EXOC6B: variants seen among roughly 807,000 people sequenced by gnomAD.
The protein encoded by EXOC6B is exocyst complex component 6B.
EXOC6B carries 54 observed loss-of-function variants against 113.5 expected under a neutral mutation model. That is an observed-to-expected ratio of 0.48 (90% CI 0.38 to 0.60). EXOC6B has a LOEUF of 0.60. EXOC6B is among the 20% of genes least tolerant of loss of function. EXOC6B has a pLI of 0.00. For missense variants in EXOC6B, 797 were observed against 977.5 expected (o/e 0.82, Z 2.46); for synonymous variants, 357 against 339.0 (o/e 1.05, Z -0.58).
At chr2:72,524,713 A>T (rs890469089) in intron 8 of EXOC6B, among the ~76,000 whole-genome samples, 2 of 152,294 alleles carry the variant, frequency 1.3e-5, no homozygotes, top group Non-Finnish European at 1.5e-5. Context: ...ATACCAAAAC[A>T]TCTCATGTAC....
At chr2:72,395,635 A>C (rs1692679084) in intron 18 of EXOC6B, among the ~76,000 whole-genome samples, 3 of 152,146 alleles carry the variant, frequency 2.0e-5, no homozygotes, top group Admixed American at 2.0e-4. Context: ...ATGGTAGTAA[A>C]AACAAGATAG....
chr2:72,695,484 T>C (rs1023744038), intron 6 of EXOC6B, among the ~76,000 whole-genome samples: 1 of 152,220 alleles, frequency 6.6e-6, no homozygotes. Flanking sequence ...TAAGGTTTTT[T>C]TTTGAACAGA....
chr2:72,577,157 T>C (rs1054955592), intron 6 of EXOC6B, among the ~76,000 whole-genome samples: 5 of 152,106 alleles, frequency 3.3e-5, no homozygotes, highest in African/African-American at 9.7e-5. Context: ...CAGCCATTGA[T>C]ATTTTGGTTA....
At chr2:72,222,094 G>C (rs538424829) in intron 20 of EXOC6B, among the ~76,000 whole-genome samples, 1 of 152,314 alleles carries the variant, frequency 6.6e-6, no homozygotes, top group African/African-American at 2.4e-5. Flanking sequence ...GCTTCATGGA[G>C]AATTCACTAA....
At chr2:72,584,016 C>A (rs190015163) in intron 6 of EXOC6B, among the ~76,000 whole-genome samples, 4 of 152,208 alleles carry the variant, frequency 2.6e-5, no homozygotes, top group Non-Finnish European at 1.5e-5. Context: ...ACCATCCGCA[C>A]CCGGCCCCTT....
chr2:72,514,206 T>C (rs1182735020), intron 10 of EXOC6B, among the ~76,000 whole-genome samples: 1 of 152,130 alleles, frequency 6.6e-6, no homozygotes, highest in Non-Finnish European at 1.5e-5. Context: ...TTTTGCACTA[T>C]AACAACAGAG....
chr2:72,496,503 T>C lies in EXOC6B; in HGVS notation c.1394A>G (p.Tyr465Cys). The C allele has an allele frequency of 6.2e-7, 1 of 1,602,438 alleles. No homozygotes were observed. The highest frequency in any genetic ancestry group is 8.5e-7 in the Non-Finnish European group (1 of 1,172,974). ...SPIPVTSEEM[Y>C]KKVVGQFPFQ... ...TGGGAATTGTCCTACCACCTTTTTG[T>C]ACATCTCTTCACTTGTTACTGGTAT... Residue 465 changes from tyrosine to cysteine, a missense_variant, in exon 14 of 22, where the codon TAC becomes TGC. Physicochemically the swap from Tyr to Cys is radical, Grantham distance 194. Transcript: ENST00000272427.
At chr2:72,192,401 G>A (rs1371182314) in intron 20 of EXOC6B, among the ~76,000 whole-genome samples, 1 of 152,152 alleles carries the variant, frequency 6.6e-6, no homozygotes, top group African/African-American at 2.4e-5. Flanking sequence ...GTTGTATAAG[G>A]AAGAAGGAAG....
In EXOC6B at chr2:72,241,620, C is replaced by T. The variant is rs371616016; in HGVS notation, c.2197-57433G>A. On this transcript the variant is annotated intron_variant, in intron 20 of 21. Coordinates refer to ENST00000272427, the MANE Select transcript of EXOC6B (RefSeq NM_015189.3). The stretch of plus-strand genomic sequence containing the variant: ...CTTAAAAGAAGTTGGGGAGGGGGAG[C>T]GTCAGGGGAGAATCTTACCTATATA... Among the ~76,000 whole-genome samples the T allele has an allele frequency of 3.3e-3, 495 of 151,932 alleles. 2 individuals carry two copies. Among genetic ancestry groups the T allele is most frequent in the African/African-American group, 0.011 (469 of 41,410 alleles).
intron 5 of EXOC6B, among the ~76,000 whole-genome samples, chr2:72,727,028 A>G (rs1176399811): frequency 6.6e-6 from 1 of 152,182 alleles, no homozygotes; most frequent in Non-Finnish European, 1.5e-5. Flanking sequence ...GCCATTTTAT[A>G]TAAGGGACTT....
At chr2:72,664,424 G>A (rs2104461145) in intron 6 of EXOC6B, among the ~76,000 whole-genome samples, 1 of 152,236 alleles carries the variant, frequency 6.6e-6, no homozygotes, top group Middle Eastern at 3.4e-3. Flanking sequence ...CATTGAGGGT[G>A]GGATGGCCCA....
At position 72,826,030 on chromosome 2, in the gene EXOC6B, C is replaced by T; in HGVS notation, c.-120G>A. On this transcript the variant is annotated 5_prime_UTR_variant, in exon 1 of 22. Transcript: ENST00000272427. Reference sequence around the variant, plus strand: ...CCCCAGCCTCTGGCTACCCGCAGGCCGACCCCTCCCTCAGGCTCGACACGC... The same window carrying T: ...CCCCAGCCTCTGGCTACCCGCAGGCTGACCCCTCCCTCAGGCTCGACACGC... 2 of 1,467,122 alleles carry T rather than the reference C, an allele frequency of 1.4e-6. No homozygotes were observed. The highest frequency in any genetic ancestry group is 1.8e-6 in the Non-Finnish European group (2 of 1,105,264). The allele number at this position is 1,467,122 out of a possible 1,614,324, so 90.9% of individuals were successfully genotyped here.
chr2:72,701,206 GGTT>G (rs903535324), intron 6 of EXOC6B, among the ~76,000 whole-genome samples: 9 of 150,372 alleles, frequency 6.0e-5, no homozygotes, highest in African/African-American at 2.2e-4. Flanking sequence ...AGCTGGGCAT[GGTT>G]GTTGTGCCTG....
chr2:72,658,364 G>A (rs1341441064), intron 6 of EXOC6B, among the ~76,000 whole-genome samples: 1 of 147,306 alleles, frequency 6.8e-6, no homozygotes, highest in Admixed American at 6.8e-5. Context: ...ATAATTTACA[G>A]GGACCAAAAA....
intron 1 of EXOC6B, among the ~76,000 whole-genome samples, chr2:72,765,821 C>T (rs1683025548): frequency 6.6e-6 from 1 of 152,154 alleles, no homozygotes; most frequent in African/African-American, 2.4e-5. Context: ...ACCAAATCTC[C>T]ATTCAAGAGG....
At chr2:72,786,809 T>C (rs1165637456) in intron 1 of EXOC6B, among the ~76,000 whole-genome samples, 1 of 152,138 alleles carries the variant, frequency 6.6e-6, no homozygotes, top group East Asian at 1.9e-4. Flanking sequence ...TAGTAGACCA[T>C]CTTAAGTATG....
chr2:72,823,476 AAAC>A (rs1439841265), intron 1 of EXOC6B, among the ~76,000 whole-genome samples: 5,030 of 118,718 alleles, frequency 0.042, 513 homozygotes, highest in African/African-American at 0.15. Flanking sequence ...AAAAAAAAAA[AAAC>A]AAAAAACAAA....
rs559297162 is a variant in EXOC6B, at chr2:72,369,501, G to GA, written c.2122+10227dup. On this transcript the variant is annotated intron_variant, in intron 19 of 21. Coordinates refer to ENST00000272427, the MANE Select transcript of EXOC6B (RefSeq NM_015189.3). ...ACCAATGACTTGCTTCACAGAATTG[G>GA]AAAAAACTACTTCAAAGTTCATATG... is the stretch of plus-strand genomic sequence containing the variant. Among the ~76,000 whole-genome samples, 293 of 152,202 alleles carry GA rather than the reference G, an allele frequency of 1.9e-3. 2 individuals are homozygous for GA. The highest frequency in any genetic ancestry group is 6.8e-3 in the African/African-American group (281 of 41,524).
rs561601945 is a variant in EXOC6B at position 72,303,284 on chromosome 2, A to G, written c.2196+31663T>C. On this transcript the variant is annotated intron_variant, in intron 20 of 21. Transcript: ENST00000272427. Reference sequence around the variant, plus strand: ...TTCCTAAACTTGACTGTTGGCCTCCATAGTGAGGTTTGGGGAGTTTTCAAG... The same window carrying G: ...TTCCTAAACTTGACTGTTGGCCTCCGTAGTGAGGTTTGGGGAGTTTTCAAG... Among the ~76,000 whole-genome samples, 233 of 152,192 alleles carry G rather than the reference A, an allele frequency of 1.5e-3. 1 individual carries two copies. Among genetic ancestry groups the G allele is most frequent in the Non-Finnish European group, 1.8e-3 (125 of 67,998 alleles).
Sources: gnomAD v4.1 joint callset for allele counts (sites outside exome capture counted in the v4.1 genomes callset) on GRCh38, gnomAD v4.1.1 for gene constraint, MANE v1.5 for transcripts, NCBI Gene and HGNC (gene_info 2026-07-23, HGNC 2026-07-21) for gene names.